Variants in FLI1 observed in about 807,000 individuals in gnomAD.
FLI1 encodes Friend leukemia integration 1 transcription factor.
In FLI1, 13 loss-of-function variants were observed where a neutral mutation model predicts 53.1. The observed-to-expected ratio is 0.24, with a 90% CI of 0.16 to 0.39. FLI1 has a LOEUF of 0.39. FLI1 is among the 10% of genes least tolerant of loss of function. The pLI is 1.00. For missense variants in FLI1, 424 were observed against 600.5 expected (o/e 0.71, Z 3.07); for synonymous variants, 244 against 236.7 (o/e 1.03, Z -0.28).
chr11:128,808,119 A>T (rs1381384878), intron 7 of FLI1, among the ~76,000 whole-genome samples: 2 of 152,220 alleles, frequency 1.3e-5, no homozygotes, highest in African/African-American at 4.8e-5. Flanking sequence ...AGATGTAGAG[A>T]GTTTTAAAGA....
At chr11:128,702,469 TA>T (rs1196445628) in intron 1 of FLI1, among the ~76,000 whole-genome samples, 1 of 152,262 alleles carries the variant, frequency 6.6e-6, no homozygotes, top group Non-Finnish European at 1.5e-5. Context: ...CCCTTGGTGA[TA>T]TAATTTACTG....
intron 1 of FLI1, among the ~76,000 whole-genome samples, chr11:128,722,769 G>A (rs889805502): frequency 2.6e-5 from 4 of 152,196 alleles, no homozygotes; most frequent in South Asian, 2.1e-4. Flanking sequence ...AGGGATGGAG[G>A]CCAGTGTGCA....
Position 128,777,341 on chromosome 11 carries a change from GAA to G in FLI1, c.589+4364_589+4365del, listed in dbSNP as rs35403129. Reference sequence around the variant, plus strand: ...TGTATGTCAATCTGGGTCTGACCTGGAAAAAAAAACACTAAGAAACTGCGTCT... The same window carrying G: ...TGTATGTCAATCTGGGTCTGACCTGGAAAAAAACACTAAGAAACTGCGTCT... On this transcript the variant is annotated intron_variant, in intron 4 of 8. Coordinates refer to ENST00000527786, the MANE Select transcript of FLI1 (RefSeq NM_002017.5). 7.6e-3 allele frequency among the ~76,000 whole-genome samples: 1,145 copies of G among 151,380 alleles called. 10 individuals carry two copies. Among genetic ancestry groups the G allele is most frequent in the African/African-American group, 0.024 (986 of 41,386 alleles).
In FLI1 at chr11:128,812,230, A is replaced by T. The variant is rs1023729553; in HGVS notation, c.*1242A>T. 3 of 219,626 alleles carry T rather than the reference A, an allele frequency of 1.4e-5. No individual in the cohort carries two copies. The highest frequency in any genetic ancestry group is 6.7e-5 in the African/African-American group (3 of 44,564). 13.6% of individuals were successfully genotyped at this position (219,626 alleles called of 1,614,324 possible). On this transcript the variant is annotated 3_prime_UTR_variant, in exon 9 of 9. Coordinates refer to ENST00000527786, the MANE Select transcript of FLI1 (RefSeq NM_002017.5). ...AATCACAGCTCTGGGAAAAACAACGAAACTTTCCCTTGTGGAGAGGAGGGA... is the reference window on the plus strand; with the variant it reads ...AATCACAGCTCTGGGAAAAACAACGTAACTTTCCCTTGTGGAGAGGAGGGA...
chr11:128,787,110 G>A (rs1021096409), intron 5 of FLI1, among the ~76,000 whole-genome samples: 1 of 152,206 alleles, frequency 6.6e-6, no homozygotes, highest in Non-Finnish European at 1.5e-5. Flanking sequence ...TGCCTGGCTG[G>A]TGCTGAAGCC....
chr11:128,794,150 C>T (rs1942360115), intron 5 of FLI1, among the ~76,000 whole-genome samples: 1 of 152,254 alleles, frequency 6.6e-6, no homozygotes, highest in South Asian at 2.1e-4. Context: ...GCGAGGACTG[C>T]AGATGCAGTT....
At chr11:128,796,433 C>T (rs546593838) in intron 5 of FLI1, among the ~76,000 whole-genome samples, 11 of 152,262 alleles carry the variant, frequency 7.2e-5, no homozygotes, top group South Asian at 6.2e-4. Flanking sequence ...CTTACATGGC[C>T]ACATATGCTA....
At chr11:128,794,961 A>C (rs1049320372) in intron 5 of FLI1, among the ~76,000 whole-genome samples, 3 of 152,204 alleles carry the variant, frequency 2.0e-5, no homozygotes, top group Admixed American at 2.0e-4. Flanking sequence ...CTGTGGTCCC[A>C]ACTATTTGGG....
intron 1 of FLI1, among the ~76,000 whole-genome samples, chr11:128,712,117 T>A (rs1434248571): frequency 1.3e-5 from 2 of 152,162 alleles, no homozygotes; most frequent in African/African-American, 2.4e-5. Context: ...GGGGGGCAGA[T>A]CCCTGGTGAA....
At chr11:128,798,247 A>G (rs1942502629) in intron 5 of FLI1, among the ~76,000 whole-genome samples, 1 of 152,208 alleles carries the variant, frequency 6.6e-6, no homozygotes, top group African/African-American at 2.4e-5. Flanking sequence ...CAGTTAATCT[A>G]GTCAGTATGA....
chr11:128,768,075 G>C (rs377275987), intron 2 of FLI1, 43 bp from the exon 3 acceptor site: 17 of 1,551,668 alleles, frequency 1.1e-5, no homozygotes, highest in Non-Finnish European at 1.4e-5. Context: ...AAGCTGCCCT[G>C]TCAGTGCTGA....
upstream of FLI1, chr11:128,686,335 G>A: frequency 2.2e-6 from 1 of 456,308 alleles, no homozygotes; most frequent in Non-Finnish European, 4.4e-6. Context: ...GGCCCTGGGG[G>A]AGGCGGCAGT....
intron 1 of FLI1, among the ~76,000 whole-genome samples, chr11:128,728,410 A>T (rs1939566494): frequency 6.6e-6 from 1 of 152,244 alleles, no homozygotes. Context: ...CAGAGGCCGC[A>T]CCTCTTAGCT....
intron 6 of FLI1, 144 bp downstream of exon 6, chr11:128,805,575 GC>G: frequency 1.7e-6 from 1 of 597,024 alleles, no homozygotes; most frequent in Non-Finnish European, 3.0e-6. Flanking sequence ...CCAATTTAGG[GC>G]CTTTCCATGA....
At chr11:128,764,525 C>T (rs1049576425) in intron 2 of FLI1, 11 of 870,906 alleles carry the variant, frequency 1.3e-5, no homozygotes, top group African/African-American at 1.2e-4. Flanking sequence ...TGCCAGTGGG[C>T]CCCAGCCCCA....
At chr11:128,729,069 C>T (rs934572812) in intron 1 of FLI1, among the ~76,000 whole-genome samples, 2 of 152,148 alleles carry the variant, frequency 1.3e-5, no homozygotes, top group Non-Finnish European at 1.5e-5. Flanking sequence ...AAAGACAGGA[C>T]GGTCATTTGA....
At chr11:128,809,084 G>A (rs1942864924) in intron 7 of FLI1, 73 bp from the exon 8 acceptor site, 3 of 1,240,798 alleles carry the variant, frequency 2.4e-6, no homozygotes, top group Non-Finnish European at 3.5e-6. Context: ...AACCCTTATG[G>A]TTTTCTTATG....
intron 5 of FLI1, 47 bp downstream of exon 5, chr11:128,782,070 A>C (rs1941933652): frequency 7.1e-7 from 1 of 1,415,772 alleles, no homozygotes; most frequent in Admixed American, 1.7e-5. Flanking sequence ...TGTACCAGAC[A>C]TGACACAGGC....
intron 3 of FLI1, among the ~76,000 whole-genome samples, chr11:128,772,014 G>C (rs1192408037): frequency 9.4e-5 from 14 of 149,648 alleles, no homozygotes; most frequent in Non-Finnish European, 2.1e-4. Flanking sequence ...TGTGCTGAAA[G>C]TGCAACATCC....
Sources: gnomAD v4.1 joint callset for allele counts (sites outside exome capture counted in the v4.1 genomes callset) on GRCh38, gnomAD v4.1.1 for gene constraint, MANE v1.5 for transcripts, NCBI Gene and HGNC (gene_info 2026-07-23, HGNC 2026-07-21) for gene names.